Variants in PCDHGA10 observed in about 807,000 individuals in gnomAD.
PCDHGA10 encodes protocadherin gamma-A10.
PCDHGA10 carries 42 observed loss-of-function variants against 59.5 expected under a neutral mutation model. The ratio of observed to expected loss-of-function variants is 0.71; its 90% CI spans 0.55 to 0.91. The LOEUF (loss-of-function observed/expected upper bound fraction) is 0.91, where lower values mean the gene tolerates loss of function less well. Ranked by LOEUF, PCDHGA10 falls within the 40% of genes least tolerant of loss-of-function variation. The pLI is 0.00. For missense variants in PCDHGA10, 1,111 were observed against 1,198.2 expected (o/e 0.93, Z 1.07); for synonymous variants, 511 against 517.2 (o/e 0.99, Z 0.16).
intron 1 of PCDHGA10, among the ~76,000 whole-genome samples, chr5:141,494,070 C>T (rs933213518): frequency 3.9e-5 from 6 of 152,174 alleles, no homozygotes; most frequent in African/African-American, 1.4e-4. Context: ...AGCTGGATCC[C>T]TCCCCGCTGC....
At position 141,508,878 on chromosome 5, in the gene PCDHGA10, C is replaced by A. The variant is rs189735747; in HGVS notation, c.2585-2069C>A. The stretch of plus-strand genomic sequence containing the variant: ...GGCTGGGAAAGGCTGAAGAGGCTGA[C>A]GGCTGGAGGGGAGGGGGCGGGGCGG... On this transcript the variant is annotated intron_variant, in intron 3 of 3. Transcript: ENST00000398610. Among the ~76,000 whole-genome samples, 561 of 152,074 alleles carry A rather than the reference C, an allele frequency of 3.7e-3. 3 individuals carry two copies. The highest frequency in any genetic ancestry group is 0.012 in the African/African-American group (508 of 41,498).
At chr5:141,443,871 G>A (rs1395939418) in intron 1 of PCDHGA10, among the ~76,000 whole-genome samples, 1 of 152,112 alleles carries the variant, frequency 6.6e-6, no homozygotes, top group East Asian at 1.9e-4. Context: ...AAAAATTACT[G>A]ATAAGTCAAG....
rs765743251 is a variant in PCDHGA10 at position 141,476,488 on chromosome 5, G to A, written c.2437-18319G>A. ...TGGAGCTGTTCAGCGTGGAAGTGGTGATCCAGGACATCAACGACAACAATC... is the reference window on the plus strand; with the variant it reads ...TGGAGCTGTTCAGCGTGGAAGTGGTAATCCAGGACATCAACGACAACAATC... On this transcript the variant is annotated intron_variant, in intron 1 of 3. Coordinates refer to ENST00000398610, the MANE Select transcript of PCDHGA10 (RefSeq NM_018913.3). This position sits in a 1 kb window ranked among gnomAD's most constrained non-coding sequence, Gnocchi z 7.6. 4 of 1,613,932 alleles carry A rather than the reference G, an allele frequency of 2.5e-6. No homozygotes were observed. Among genetic ancestry groups the A allele is most frequent in the Non-Finnish European group, 3.4e-6 (4 of 1,180,016 alleles).
chr5:141,415,747 T>TTTTG, intron 1 of PCDHGA10, 136 bp downstream of exon 1: 2 of 797,626 alleles, frequency 2.5e-6, no homozygotes, highest in Non-Finnish European at 3.1e-6. Flanking sequence ...AAGGTTTTTT[T>TTTTG]TTTTTTTTTT....
At chr5:141,420,469 T>C in intron 1 of PCDHGA10, 1 of 724,306 alleles carries the variant, frequency 1.4e-6, no homozygotes. Flanking sequence ...AAAGACATTT[T>C]AAAGCAAACT....
At chr5:141,510,579 C>T (rs2099881748) in intron 3 of PCDHGA10, among the ~76,000 whole-genome samples, 1 of 152,170 alleles carries the variant, frequency 6.6e-6, no homozygotes, top group Non-Finnish European at 1.5e-5. Flanking sequence ...CACTATTTTA[C>T]GTACCTGACA....
At position 141,432,640 on chromosome 5, in the gene PCDHGA10, C is replaced by T. The variant is rs2097523683; in HGVS notation, c.2436+17029C>T. On this transcript the variant is annotated intron_variant, in intron 1 of 3. Transcript: ENST00000398610. This position sits in a 1 kb window ranked among gnomAD's most constrained non-coding sequence, Gnocchi z 6.0. ...TGGGTCTGCACACGGGCGAGGTGCG[C>T]ACGGCGCGAGCCCTGCTGGACAGAG... 1.9e-6 allele frequency: 3 copies of T among 1,613,814 alleles called. No individual in the cohort carries two copies. The highest frequency in any genetic ancestry group is 2.5e-6 in the Non-Finnish European group (3 of 1,179,932).
At position 141,486,257 on chromosome 5, in the gene PCDHGA10, A is replaced by C; in HGVS notation, c.2437-8550A>C. 6.2e-7 allele frequency: 1 copy of C among 1,614,032 alleles called. No individual in the cohort carries two copies. The highest frequency in any genetic ancestry group is 8.5e-7 in the Non-Finnish European group (1 of 1,179,982). On this transcript the variant is annotated intron_variant, in intron 1 of 3. Transcript: ENST00000398610. The surrounding 1 kb of genome is among the most constrained non-coding windows in gnomAD (Gnocchi z 5.0). ...CTCAGAGCTTGGAACCCTCCCCGAG[A>C]GTGCAGAACCTGGCACTGTGGTGGC... is the stretch of plus-strand genomic sequence containing the variant.
intron 1 of PCDHGA10, chr5:141,426,776 C>G (rs1258505646): frequency 2.2e-6 from 1 of 456,584 alleles, no homozygotes; most frequent in Admixed American, 2.3e-5. Flanking sequence ...TAGGGCCTCA[C>G]TCTCTCCAGA....
chr5:141,460,912 G>GTGTA (rs145509489), intron 1 of PCDHGA10, among the ~76,000 whole-genome samples: 34,285 of 149,232 alleles, frequency 0.23, 4,672 homozygotes, highest in African/African-American at 0.39. Flanking sequence ...ATTCCATGGT[G>GTGTA]TATATATATA....
At chr5:141,427,960 G>C (rs759698390) in intron 1 of PCDHGA10, 7 of 1,589,168 alleles carry the variant, frequency 4.4e-6, no homozygotes, top group South Asian at 1.1e-5. Flanking sequence ...AATGTGCCGC[G>C]GGTGCTGTAC....
In PCDHGA10 at chr5:141,511,161, G is replaced by A; in HGVS notation, c.2799G>A (p.Lys933=). 1 of 1,614,176 alleles carries A rather than the reference G, an allele frequency of 6.2e-7. No individual in the cohort carries two copies. The highest frequency in any genetic ancestry group is 8.5e-7 in the Non-Finnish European group (1 of 1,180,010). ...GNGNKKKSGK[K]EKK ...GCAACAAGAAGAAGTCGGGCAAGAA[G>A]GAGAAGAAGTAACATGGAGGCCAGG... Residue 933 remains lysine, a synonymous_variant, in exon 4 of 4, where the codon AAG becomes AAA. Transcript: ENST00000398610.
rs1157645386 is a variant in PCDHGA10 at position 141,477,622 on chromosome 5, A to C, written c.2437-17185A>C. On this transcript the variant is annotated intron_variant, in intron 1 of 3. Coordinates refer to ENST00000398610, the MANE Select transcript of PCDHGA10 (RefSeq NM_018913.3). This position sits in a 1 kb window ranked among gnomAD's most constrained non-coding sequence, Gnocchi z 4.9. ...TCTTTCTCTTGGAGCAAGGAGCTGA[A>C]ACCGGGCTAGTGGGTCGCTATTTCA... 1 of 1,614,108 alleles carries C rather than the reference A, an allele frequency of 6.2e-7. No homozygotes were observed. The highest frequency in any genetic ancestry group is 2.2e-5 in the East Asian group (1 of 44,904).
rs746642302 is a variant in PCDHGA10, at chr5:141,491,107, A to G, written c.2437-3700A>G. The stretch of plus-strand genomic sequence containing the variant: ...AGCCCCAGGACTGTTCCTCGTGTCT[A>G]CACACACTGGTGAGGTGCGCACAGC... On this transcript the variant is annotated intron_variant, in intron 1 of 3. Coordinates refer to ENST00000398610, the MANE Select transcript of PCDHGA10 (RefSeq NM_018913.3). The surrounding 1 kb of genome is among the most constrained non-coding windows in gnomAD (Gnocchi z 6.9). 2.5e-6 allele frequency: 4 copies of G among 1,614,148 alleles called. No homozygotes were observed. Among genetic ancestry groups the G allele is most frequent in the Non-Finnish European group, 2.5e-6 (3 of 1,180,014 alleles).
intron 1 of PCDHGA10, among the ~76,000 whole-genome samples, chr5:141,479,041 C>T (rs1346986831): frequency 1.2e-4 from 18 of 152,100 alleles, no homozygotes; most frequent in Admixed American, 1.2e-3. Flanking sequence ...AGATCGTGTA[C>T]CTCATTCTCA....
Position 141,489,601 on chromosome 5 carries a change from G to A in PCDHGA10, c.2437-5206G>A. On this transcript the variant is annotated intron_variant, in intron 1 of 3. Transcript: ENST00000398610. This position sits in a 1 kb window ranked among gnomAD's most constrained non-coding sequence, Gnocchi z 4.5. ...CCCCCTGGAGCTAATCCGTGTAGAG[G>A]TAGAGATCCTGGATCTCAATGACAA... 2 of 1,614,042 alleles carry A rather than the reference G, an allele frequency of 1.2e-6. No individual in the cohort carries two copies. Among genetic ancestry groups the A allele is most frequent in the East Asian group, 4.5e-5 (2 of 44,882 alleles).
intron 1 of PCDHGA10, chr5:141,419,707 C>T (rs781629810): frequency 4.6e-5 from 74 of 1,613,062 alleles, no homozygotes; most frequent in Middle Eastern, 1.7e-4. Flanking sequence ...AGCCCGGGCT[C>T]TTCAGCCTGG....
At chr5:141,445,282 T>G (rs1023693067) in intron 1 of PCDHGA10, among the ~76,000 whole-genome samples, 4 of 152,220 alleles carry the variant, frequency 2.6e-5, no homozygotes, top group Non-Finnish European at 5.9e-5. Context: ...TCTGCATAAG[T>G]TCAGGCTTCC....
At chr5:141,446,093 GA>G (rs1217618203) in intron 1 of PCDHGA10, among the ~76,000 whole-genome samples, 1 of 152,118 alleles carries the variant, frequency 6.6e-6, no homozygotes, top group Admixed American at 6.5e-5. Flanking sequence ...ATAAATGGAT[GA>G]ATTATAGATA....
Sources: gnomAD v4.1 joint callset for allele counts (sites outside exome capture counted in the v4.1 genomes callset) on GRCh38, gnomAD v4.1.1 for gene constraint, Gnocchi (gnomAD v3.1) non-coding constraint, MANE v1.5 for transcripts, NCBI Gene and HGNC (gene_info 2026-07-23, HGNC 2026-07-21) for gene names.